The following WDR7 variants were observed in gnomAD, a reference collection of about 807,000 sequenced individuals.
WDR7 encodes WD repeat-containing protein 7.
A neutral mutation model predicts 169.4 loss-of-function variants in WDR7; 46 were observed. The ratio of observed to expected loss-of-function variants is 0.27; its 90% CI spans 0.21 to 0.35. The LOEUF (loss-of-function observed/expected upper bound fraction) is 0.35. WDR7 is among the 10% of genes least tolerant of loss of function. The pLI is 1.00. For synonymous variants in WDR7, 612 were observed against 666.8 expected (o/e 0.92, Z 1.27); for missense variants, 1,534 against 1,859.3 (o/e 0.83, Z 3.22).
intron 20 of WDR7, among the ~76,000 whole-genome samples, chr18:56,821,045 A>T (rs1210250852): frequency 6.6e-6 from 1 of 152,178 alleles, no homozygotes; most frequent in Non-Finnish European, 1.5e-5. Context: ...GTAGTCATCT[A>T]CTCATTCAAT....
chr18:56,779,698 T>C, intron 18 of WDR7, 149 bp downstream of exon 18: 1 of 678,022 alleles, frequency 1.5e-6, no homozygotes, highest in Non-Finnish European at 2.4e-6. Flanking sequence ...TATGTTTTCT[T>C]CTTTGTCAGC....
intron 6 of WDR7, 97 bp downstream of exon 6, chr18:56,686,129 A>C: frequency 1.0e-6 from 1 of 1,002,146 alleles, no homozygotes; most frequent in African/African-American, 1.7e-5. Context: ...TTAAGGGGGA[A>C]GGAAAAAGTG....
intron 26 of WDR7, among the ~76,000 whole-genome samples, chr18:56,974,886 G>T (rs1396331195): frequency 6.6e-6 from 1 of 152,196 alleles, no homozygotes; most frequent in African/African-American, 2.4e-5. Flanking sequence ...GTGACAGTCT[G>T]CAGAGGAGGA....
chr18:56,819,513 C>T (rs1230076169), intron 20 of WDR7, among the ~76,000 whole-genome samples: 2 of 152,146 alleles, frequency 1.3e-5, no homozygotes, highest in Non-Finnish European at 2.9e-5. Flanking sequence ...AAATTCTTTC[C>T]TTTAACCATA....
chr18:56,901,957 A>G (rs2046408449), intron 21 of WDR7, among the ~76,000 whole-genome samples: 3 of 152,126 alleles, frequency 2.0e-5, no homozygotes, highest in Admixed American at 2.0e-4. Flanking sequence ...TTGAAGGGCG[A>G]ATACTACTAT....
intron 12 of WDR7, 104 bp downstream of exon 12, chr18:56,696,566 A>G: frequency 1.0e-6 from 1 of 995,262 alleles, no homozygotes; most frequent in Non-Finnish European, 1.4e-6. Flanking sequence ...AAGTGTGACA[A>G]GATAATTAAG....
intron 26 of WDR7, among the ~76,000 whole-genome samples, chr18:56,965,382 A>G (rs773420824): frequency 6.6e-6 from 1 of 152,062 alleles, no homozygotes; most frequent in Non-Finnish European, 1.5e-5. Context: ...ATTGGTTGGT[A>G]AAAGATAAAG....
At chr18:56,689,956 G>A (rs1198008567) in intron 7 of WDR7, among the ~76,000 whole-genome samples, 1 of 152,006 alleles carries the variant, frequency 6.6e-6, no homozygotes, top group Non-Finnish European at 1.5e-5. Flanking sequence ...ATGCAGCTAG[G>A]ATGTGTTCTA....
At chr18:56,807,543 T>C (rs2044796827) in intron 19 of WDR7, among the ~76,000 whole-genome samples, 1 of 152,196 alleles carries the variant, frequency 6.6e-6, no homozygotes, top group Non-Finnish European at 1.5e-5. Context: ...AGCTTTATGC[T>C]ATCCCATTAA....
chr18:56,892,455 G>C (rs2046276716), intron 21 of WDR7, among the ~76,000 whole-genome samples: 2 of 151,960 alleles, frequency 1.3e-5, no homozygotes, highest in African/African-American at 4.8e-5. Context: ...GTGTTATGTT[G>C]AATATAATTG....
intron 12 of WDR7, among the ~76,000 whole-genome samples, chr18:56,710,570 G>A (rs924279299): frequency 1.3e-5 from 2 of 152,048 alleles, no homozygotes; most frequent in African/African-American, 4.8e-5. Flanking sequence ...GAATGTGTTT[G>A]TATGTAAATA....
At chr18:56,797,995 C>A (rs1370797953) in intron 19 of WDR7, among the ~76,000 whole-genome samples, 1 of 152,114 alleles carries the variant, frequency 6.6e-6, no homozygotes, top group Non-Finnish European at 1.5e-5. Flanking sequence ...ACTTTTATTA[C>A]ATATATGTCG....
intron 25 of WDR7, among the ~76,000 whole-genome samples, chr18:56,945,577 G>C (rs916170909): frequency 6.6e-6 from 1 of 152,242 alleles, no homozygotes; most frequent in African/African-American, 2.4e-5. Context: ...GTAGCTGAGA[G>C]AACTGAGGAC....
chr18:56,750,196 T>C (rs996519172), intron 14 of WDR7, among the ~76,000 whole-genome samples: 11 of 152,144 alleles, frequency 7.2e-5, no homozygotes, highest in Admixed American at 3.3e-4. Flanking sequence ...CAATCCAATA[T>C]TTTTTTCCTG....
At chr18:57,020,630 A>G (rs2048275457) in intron 26 of WDR7, 115 bp from the exon 27 acceptor site, 1 of 901,248 alleles carries the variant, frequency 1.1e-6, no homozygotes, top group African/African-American at 1.7e-5. Flanking sequence ...AACAAAGAAG[A>G]TAACAGCATC....
At chr18:56,786,567 A>C (rs893319953) in intron 19 of WDR7, among the ~76,000 whole-genome samples, 13 of 151,874 alleles carry the variant, frequency 8.6e-5, no homozygotes, top group Admixed American at 6.6e-4. Context: ...AAAAAGAGTC[A>C]AGCCCTAATT....
At chr18:57,008,743 G>A (rs560525455) in intron 26 of WDR7, among the ~76,000 whole-genome samples, 1 of 152,204 alleles carries the variant, frequency 6.6e-6, no homozygotes, top group Non-Finnish European at 1.5e-5. Context: ...TCTCTATTAC[G>A]CTGTTGATTG....
At chr18:56,847,691 A>T (rs1400575528) in intron 20 of WDR7, among the ~76,000 whole-genome samples, 1 of 152,194 alleles carries the variant, frequency 6.6e-6, no homozygotes, top group East Asian at 1.9e-4. Flanking sequence ...TAGCCTCATG[A>T]CAGTTCTCCC....
intron 15 of WDR7, among the ~76,000 whole-genome samples, chr18:56,758,351 C>A (rs994321849): frequency 6.6e-6 from 1 of 152,072 alleles, no homozygotes; most frequent in African/African-American, 2.4e-5. Context: ...CCTTTTATTA[C>A]GGAGAACAAA....
Sources: allele counts gnomAD v4.1 joint callset (sites outside exome capture counted in the v4.1 genomes callset), GRCh38; gene constraint gnomAD v4.1.1; transcripts MANE v1.5; gene names NCBI Gene and HGNC (gene_info 2026-07-23, HGNC 2026-07-21).